Variants in LMTK3 observed in about 807,000 individuals in gnomAD.
The protein encoded by LMTK3 is serine/threonine-protein kinase LMTK3.
A neutral mutation model predicts 116.7 loss-of-function variants in LMTK3; 27 were observed. The observed-to-expected ratio is 0.23, with a 90% CI of 0.17 to 0.32. The LOEUF (loss-of-function observed/expected upper bound fraction) is 0.32. Ranked by LOEUF, LMTK3 falls within the 10% of genes least tolerant of loss-of-function variation. The probability of loss-of-function intolerance (pLI) is 1.00; values close to 1 mark genes in which losing one functional copy is unlikely to be tolerated. For missense variants in LMTK3, 1,764 were observed against 2,068.5 expected (o/e 0.85, Z 2.86); for synonymous variants, 965 against 971.0 (o/e 0.99, Z 0.11).
At position 48,497,716 on chromosome 19, in the gene LMTK3, C is replaced by A; in HGVS notation, c.3353G>T (p.Gly1118Val). The A allele has an allele frequency of 7.5e-7, 1 of 1,331,362 alleles. No homozygotes were observed. Among genetic ancestry groups the A allele is most frequent in the Non-Finnish European group, 9.6e-7 (1 of 1,045,652 alleles). The allele number at this position is 1,331,362 out of a possible 1,614,324, so 82.5% of individuals were successfully genotyped here. ...GCCGCCGCCGGGGGCCGTCCCCGTG[C>A]CCACTGGGGCTCGGCCCCCACTCCC... ...DLGSGGRAPV[G>V]TGTAPGGGPG... Residue 1118 changes from glycine to valine, a missense_variant, in exon 11 of 15, where the codon GGC becomes GTC. Coordinates refer to ENST00000600059, the MANE Select transcript of LMTK3 (RefSeq NM_001388485.1). This position sits in a 1 kb window ranked among gnomAD's most constrained non-coding sequence, Gnocchi z 5.7.
rs1972632713 is a variant in LMTK3 at position 48,510,167 on chromosome 19, C to T, written c.217G>A (p.Glu73Lys). 2.5e-6 allele frequency: 4 copies of T among 1,611,816 alleles called. No homozygotes were observed. Among genetic ancestry groups the T allele is most frequent in the African/African-American group, 2.7e-5 (2 of 74,984 alleles). ...KRGDVGFKEF[E>K]NPEGEDCSGE... ...GAGCAGTCCTCCCCTTCAGGGTTCT[C>T]AAATTCCTGGGGCCAGGAGAGGAGA... The change falls in exon 3 of 15, where the codon GAG (glutamate) becomes AAG (lysine). Residue 73 changes from glutamate to lysine, a missense_variant. Glu to Lys is a moderately conservative substitution (Grantham distance 56, BLOSUM62 1). This residue lies in a region of LMTK3 where 271 missense variants were observed against 478.2 expected (regional missense o/e 0.57). Transcript: ENST00000600059.
intron 11 of LMTK3, among the ~76,000 whole-genome samples, chr19:48,495,072 C>T (rs1038603171): frequency 4.0e-5 from 6 of 151,226 alleles, no homozygotes; most frequent in Admixed American, 6.6e-5. Flanking sequence ...TGCAGTGGTA[C>T]GATCTCGGCG....
chr19:48,493,919 C>G lies in LMTK3; in HGVS notation c.3867G>C (p.Glu1289Asp). ...CCGCCGCGCCCGGCGCCGCCGCCTCCTCGTCCTCCTCCTCGTCCTCGTCCT... is the reference window on the plus strand; with the variant it reads ...CCGCCGCGCCCGGCGCCGCCGCCTCGTCGTCCTCCTCCTCGTCCTCGTCCT... ...EDEDEDEEEDEEAAAPGAAAG... is the reference protein window; with the variant it reads ...EDEDEDEEEDDEAAAPGAAAG... The change falls in exon 12 of 15, where the codon GAG becomes GAC. Residue 1289 changes from glutamate (E) to aspartate (D), a missense_variant. Coordinates refer to ENST00000600059, the MANE Select transcript of LMTK3 (RefSeq NM_001388485.1). 1 of 1,030,522 alleles carries G rather than the reference C, an allele frequency of 9.7e-7. No homozygotes were observed. The highest frequency in any genetic ancestry group is 1.2e-6 in the Non-Finnish European group (1 of 863,202). 63.8% of individuals were successfully genotyped at this position (1,030,522 alleles called of 1,614,324 possible). A position where few individuals can be genotyped will look rare whatever the true frequency, so the allele number is the denominator to read the frequency against.
At chr19:48,503,665 G>A (rs1209362136) in intron 5 of LMTK3, among the ~76,000 whole-genome samples, 1 of 152,048 alleles carries the variant, frequency 6.6e-6, no homozygotes, top group African/African-American at 2.4e-5. Flanking sequence ...AGCACCCCAG[G>A]ATAGAGCGCC....
intron 4 of LMTK3, 52 bp downstream of exon 4, chr19:48,509,382 CAGG>C (rs1972620414): frequency 2.0e-6 from 3 of 1,497,762 alleles, no homozygotes; most frequent in East Asian, 4.9e-5. Context: ...GGACACAGAA[CAGG>C]AGGACAGCTC....
chr19:48,509,677 A>C (rs1015816992), intron 3 of LMTK3, among the ~76,000 whole-genome samples, 164 bp from the exon 4 acceptor site: 4 of 152,090 alleles, frequency 2.6e-5, no homozygotes, highest in African/African-American at 7.2e-5. Flanking sequence ...TTGGCTGCTC[A>C]CAAGGCTCCA....
Position 48,491,159 on chromosome 19 carries a change from C to A in LMTK3, c.4315G>T (p.Ala1439Ser), listed in dbSNP as rs1972213992. 1.5e-6 allele frequency: 2 copies of A among 1,372,084 alleles called. No homozygotes were observed. The highest frequency in any genetic ancestry group is 2.8e-5 in the East Asian group (1 of 35,386). The allele number at this position is 1,372,084 out of a possible 1,614,324, so 85.0% of individuals were successfully genotyped here. A position where few individuals can be genotyped will look rare whatever the true frequency, so the allele number is the denominator to read the frequency against. ...LCFSRFSVSP[A>S]LETPGPPARA... The stretch of plus-strand genomic sequence containing the variant: ...GCGGGTGGCCCCGGGGTCTCCAGCG[C>A]AGGCGAGACGGAGAAGCGGGAGAAG... Residue 1439 changes from alanine (A) to serine (S), a missense_variant, in exon 14 of 15, where the codon GCG (alanine) becomes TCG (serine). Coordinates refer to ENST00000600059, the MANE Select transcript of LMTK3 (RefSeq NM_001388485.1). The surrounding 1 kb of genome is among the most constrained non-coding windows in gnomAD (Gnocchi z 5.1).
intron 5 of LMTK3, among the ~76,000 whole-genome samples, chr19:48,503,404 C>T (rs1291748602): frequency 6.6e-6 from 1 of 152,010 alleles, no homozygotes; most frequent in African/African-American, 2.4e-5. Flanking sequence ...CTCGACCACA[C>T]CCCACTCCTT....
chr19:48,495,811 G>C (rs182062781), intron 11 of LMTK3, among the ~76,000 whole-genome samples: 12 of 152,346 alleles, frequency 7.9e-5, no homozygotes, highest in Admixed American at 6.5e-4. Context: ...TGCTGGAACT[G>C]TATTTCCTAT....
In LMTK3 at chr19:48,511,747, C is replaced by A. The variant is rs577999916; in HGVS notation, c.-171G>T. The A allele has an allele frequency of 8.8e-4, 363 of 410,570 alleles. 9 individuals carry two copies. In the South Asian group the frequency reaches 0.024, roughly 27 times the overall value. 25.4% of individuals were successfully genotyped at this position (410,570 alleles called of 1,614,324 possible). A position where few individuals can be genotyped will look rare whatever the true frequency, so the allele number is the denominator to read the frequency against. ...GAGGGGCTGCTTGCTGGCTCAGGTA[C>A]CCCCCTCCCCCTCTTTGAAGGGACA... On this transcript the variant is annotated 5_prime_UTR_variant, in exon 1 of 15. Transcript: ENST00000600059.
chr19:48,498,192 C>T lies in LMTK3; in HGVS notation c.2877G>A (p.Leu959=). The change falls in exon 11 of 15, where the codon CTG becomes CTA. Residue 959 remains leucine (L), a synonymous_variant. Coordinates refer to ENST00000600059, the MANE Select transcript of LMTK3 (RefSeq NM_001388485.1). The stretch of plus-strand genomic sequence containing the variant: ...TTGGGGGTGTCAGCTCCCCATTCTC[C>T]AGCACTTTCTCTTCTCTCTCGGGGG... The part of the protein sequence containing the change: ...LGSPEREEKV[L]ENGELTPPRR... The T allele has an allele frequency of 6.2e-7, 1 of 1,613,596 alleles. No homozygotes were observed. Among genetic ancestry groups the T allele is most frequent in the East Asian group, 2.2e-5 (1 of 44,820 alleles).
At chr19:48,508,308 C>T (rs1329303628) in intron 5 of LMTK3, among the ~76,000 whole-genome samples, 1 of 152,032 alleles carries the variant, frequency 6.6e-6, no homozygotes, top group Non-Finnish European at 1.5e-5. Context: ...GGGGTCTCTG[C>T]GAACACACCC....
intron 12 of LMTK3, among the ~76,000 whole-genome samples, chr19:48,492,642 A>G (rs531723589): frequency 1.3e-5 from 2 of 152,130 alleles, no homozygotes; most frequent in Admixed American, 6.5e-5. Flanking sequence ...CTAGTGGGTA[A>G]GATCTGCTCC....
intron 11 of LMTK3, among the ~76,000 whole-genome samples, chr19:48,496,150 C>T (rs563361959): frequency 8.5e-5 from 13 of 152,308 alleles, no homozygotes; most frequent in Non-Finnish European, 1.5e-4. Context: ...TGCTCTGTCA[C>T]CCAGGCTGGA....
chr19:48,489,581 A>G (rs114610306), intron 14 of LMTK3, among the ~76,000 whole-genome samples: 10,601 of 152,174 alleles, frequency 0.07, 944 homozygotes, highest in African/African-American at 0.21. Flanking sequence ...CAAAAATACT[A>G]ACTAACTAAA....
chr19:48,500,148 C>A lies in LMTK3; in HGVS notation c.1152-231G>T, dbSNP rs185659842. On this transcript the variant is annotated intron_variant, in intron 10 of 14. Coordinates refer to ENST00000600059, the MANE Select transcript of LMTK3 (RefSeq NM_001388485.1). The surrounding 1 kb of genome is among the most constrained non-coding windows in gnomAD (Gnocchi z 4.0). ...AGAGAGAGAGGGACAGAGATCCAGG[C>A]GTGGTGGCTCACGCCTGTAATCCCA... is the stretch of plus-strand genomic sequence containing the variant. 3.4e-3 allele frequency among the ~76,000 whole-genome samples: 499 copies of A among 148,638 alleles called. 3 individuals carry two copies. Among genetic ancestry groups the A allele is most frequent in the African/African-American group, 0.012 (481 of 40,230 alleles).
rs1412204253 is a variant in LMTK3 at position 48,491,361 on chromosome 19, C to T, written c.4228+43G>A. Reference sequence around the variant, plus strand: ...CCCCATAGACCCCGCCCCGTCCGCCCCATGGCTCCCGCCCCCTCCCGCCCC... The same window carrying T: ...CCCCATAGACCCCGCCCCGTCCGCCTCATGGCTCCCGCCCCCTCCCGCCCC... On this transcript the variant is annotated intron_variant, in intron 13 of 14. Coordinates refer to ENST00000600059, the MANE Select transcript of LMTK3 (RefSeq NM_001388485.1). The surrounding 1 kb of genome is among the most constrained non-coding windows in gnomAD (Gnocchi z 5.1). 1 of 1,353,758 alleles carries T rather than the reference C, an allele frequency of 7.4e-7. No individual in the cohort carries two copies. The allele number at this position is 1,353,758 out of a possible 1,614,324, so 83.9% of individuals were successfully genotyped here. A position where few individuals can be genotyped will look rare whatever the true frequency, so the allele number is the denominator to read the frequency against.
chr19:48,501,702 C>G (rs922793262), intron 7 of LMTK3, 140 bp from the exon 8 acceptor site: 41 of 851,044 alleles, frequency 4.8e-5, no homozygotes, highest in Non-Finnish European at 7.1e-5. Flanking sequence ...ATCTGTCTCT[C>G]CCCTCTGACT....
At chr19:48,499,948 CAGAGACCCAGGGAGGGGAA>C (rs980692565) in intron 10 of LMTK3, 31 bp from the exon 11 acceptor site, 16 of 1,546,170 alleles carry the variant, frequency 1.0e-5, no homozygotes, top group Middle Eastern at 2.1e-4. Context: ...GTGAGCAGGG[CAGAGACCCAGGGAGGGGAA>C]AGAGACCCAG....
Sources: allele counts gnomAD v4.1 joint callset (sites outside exome capture counted in the v4.1 genomes callset), GRCh38; gene constraint gnomAD v4.1.1; regional missense constraint gnomAD v4.1.1; non-coding constraint Gnocchi (gnomAD v3.1); transcripts MANE v1.5; gene names NCBI Gene and HGNC (gene_info 2026-07-23, HGNC 2026-07-21).